Variants in LDAH observed in about 807,000 individuals in gnomAD.
The protein encoded by LDAH is lipid droplet associated hydrolase, also known as lipid droplet-associated hydrolase.
In LDAH, 26 loss-of-function variants were observed where a neutral mutation model predicts 29.6. That is an observed-to-expected ratio of 0.88 (90% CI 0.64 to 1.22). The LOEUF is 1.22. Ranked by LOEUF, LDAH falls within the 50% of genes most tolerant of loss-of-function variation. LDAH has a pLI of 0.00. For missense variants in LDAH, 344 were observed against 387.3 expected, an observed-to-expected ratio of 0.89 and a Z score of 0.94; for synonymous variants, 117 against 133.0, an observed-to-expected ratio of 0.88 and a Z score of 0.83.
At chr2:20,802,008 A>G (rs1043813883) in intron 1 of LDAH, among the ~76,000 whole-genome samples, 2 of 151,324 alleles carry the variant, frequency 1.3e-5, no homozygotes, top group Non-Finnish European at 2.9e-5. Flanking sequence ...ATATATGTAT[A>G]TATACATATA....
chr2:20,761,689 A>G (rs1234892440), intron 4 of LDAH, among the ~76,000 whole-genome samples: 1 of 152,148 alleles, frequency 6.6e-6, no homozygotes, highest in Non-Finnish European at 1.5e-5. Flanking sequence ...ACTGGGTACA[A>G]TGTTCACTAT....
chr2:20,754,628 G>A (rs1397950648), intron 4 of LDAH, among the ~76,000 whole-genome samples: 1 of 152,042 alleles, frequency 6.6e-6, no homozygotes, highest in Non-Finnish European at 1.5e-5. Context: ...GATGTCATGT[G>A]CCTGCAGGTG....
In LDAH at chr2:20,777,670, G is replaced by A. The variant is rs573714302; in HGVS notation, c.299-2691C>T. The stretch of plus-strand genomic sequence containing the variant: ...GGTGATCCACCCACCTCGGCCTCCT[G>A]AAGTGCTGGGATTACAGGCGTAAAC... On this transcript the variant is annotated intron_variant, in intron 3 of 6. Transcript: ENST00000237822. Among the ~76,000 whole-genome samples the A allele has an allele frequency of 7.4e-4, 112 of 151,986 alleles. 1 individual carries two copies. The highest frequency in any genetic ancestry group is 1.0e-3 in the Non-Finnish European group (69 of 67,956).
At chr2:20,724,037 A>G (rs1659475805) in intron 5 of LDAH, among the ~76,000 whole-genome samples, 3 of 152,222 alleles carry the variant, frequency 2.0e-5, no homozygotes, top group Admixed American at 2.0e-4. Flanking sequence ...AAAGGTTTGA[A>G]ATAGCCGAGT....
At chr2:20,760,433 T>C (rs1280552284) in intron 4 of LDAH, among the ~76,000 whole-genome samples, 1 of 152,258 alleles carries the variant, frequency 6.6e-6, no homozygotes, top group Non-Finnish European at 1.5e-5. Flanking sequence ...GCACAGTTTC[T>C]GCACATCAGG....
At chr2:20,731,902 C>A (rs191034429) in intron 5 of LDAH, among the ~76,000 whole-genome samples, 3 of 151,502 alleles carry the variant, frequency 2.0e-5, no homozygotes, top group Admixed American at 2.0e-4. Flanking sequence ...CCTGGCAGAG[C>A]CGCAGAACCA....
chr2:20,709,942 TAGAG>T (rs1229006961), intron 5 of LDAH, among the ~76,000 whole-genome samples: 3 of 152,190 alleles, frequency 2.0e-5, no homozygotes, highest in Non-Finnish European at 4.4e-5. Context: ...AAGCAGTAGT[TAGAG>T]AGAAATTTAT....
intron 6 of LDAH, among the ~76,000 whole-genome samples, chr2:20,699,609 A>G (rs1663766575): frequency 6.6e-6 from 1 of 152,212 alleles, no homozygotes. Flanking sequence ...GTAGTTTTGC[A>G]TGATTAAATG....
At chr2:20,752,681 T>C (rs574976911) in intron 4 of LDAH, among the ~76,000 whole-genome samples, 1 of 152,324 alleles carries the variant, frequency 6.6e-6, no homozygotes, top group African/African-American at 2.4e-5. Flanking sequence ...TTGCTACAAA[T>C]GGGTGGCTTC....
chr2:20,798,592 A>AT (rs1671464965), intron 2 of LDAH, among the ~76,000 whole-genome samples: 1 of 147,768 alleles, frequency 6.8e-6, no homozygotes, highest in Non-Finnish European at 1.5e-5. Flanking sequence ...TAATATACAT[A>AT]ATATAATATA....
At chr2:20,802,969 A>G (rs1204503086) in intron 1 of LDAH, among the ~76,000 whole-genome samples, 1 of 152,174 alleles carries the variant, frequency 6.6e-6, no homozygotes. Flanking sequence ...TGGAGAGCTT[A>G]TATTTTACCC....
At chr2:20,728,398 A>T (rs1229256202) in intron 5 of LDAH, among the ~76,000 whole-genome samples, 1 of 152,148 alleles carries the variant, frequency 6.6e-6, no homozygotes, top group Non-Finnish European at 1.5e-5. Flanking sequence ...TTCCCTTGAT[A>T]ACCCCTCTCT....
chr2:20,718,325 C>A (rs1176134746), intron 5 of LDAH, among the ~76,000 whole-genome samples: 3 of 152,150 alleles, frequency 2.0e-5, no homozygotes, highest in East Asian at 3.9e-4. Context: ...GAAAAAGATA[C>A]TCCATGCAAA....
chr2:20,704,975 T>C (rs1664203410), intron 5 of LDAH, among the ~76,000 whole-genome samples: 1 of 152,252 alleles, frequency 6.6e-6, no homozygotes, highest in Admixed American at 6.5e-5. Flanking sequence ...GCTGTCATCC[T>C]TGGACTTCCC....
intron 5 of LDAH, among the ~76,000 whole-genome samples, chr2:20,729,258 T>C (rs1220394817): frequency 6.6e-6 from 1 of 152,224 alleles, no homozygotes; most frequent in African/African-American, 2.4e-5. Context: ...CTGAAGTGTA[T>C]ATAACTCTGA....
intron 5 of LDAH, among the ~76,000 whole-genome samples, chr2:20,712,441 A>G (rs1335856599): frequency 6.6e-6 from 1 of 152,272 alleles, no homozygotes; most frequent in African/African-American, 2.4e-5. Flanking sequence ...AAACCAGAGC[A>G]GAAAAGCTGA....
intron 5 of LDAH, among the ~76,000 whole-genome samples, chr2:20,733,403 T>C (rs1487845467): frequency 6.7e-6 from 1 of 148,338 alleles, no homozygotes; most frequent in East Asian, 2.0e-4. Context: ...GGCTATTTTT[T>C]TTTTTTTTTT....
intron 2 of LDAH, among the ~76,000 whole-genome samples, chr2:20,800,611 ATTTTTATTTTTTTAT>A (rs76554385): frequency 0.055 from 8,412 of 152,030 alleles, 316 homozygotes; most frequent in African/African-American, 0.1. Flanking sequence ...CTAATTTTTA[ATTTTTATTTTTTTAT>A]TTTTTATTTT....
intron 1 of LDAH, among the ~76,000 whole-genome samples, chr2:20,803,359 T>TC (rs1671854002): frequency 6.6e-6 from 1 of 152,132 alleles, no homozygotes; most frequent in Admixed American, 6.5e-5. Context: ...AGGTGGCTAC[T>TC]CCCCAGCCCC....
Sources: allele counts gnomAD v4.1 joint callset (sites outside exome capture counted in the v4.1 genomes callset), GRCh38; gene constraint gnomAD v4.1.1; transcripts MANE v1.5; gene names NCBI Gene and HGNC (gene_info 2026-07-23, HGNC 2026-07-21).